The following DGKE variants were observed in gnomAD, a reference collection of about 807,000 sequenced individuals.
DGKE encodes the protein diacylglycerol kinase epsilon.
DGKE carries 53 observed loss-of-function variants against 70.0 expected under a neutral mutation model. The ratio of observed to expected loss-of-function variants is 0.76; its 90% CI spans 0.61 to 0.95. The LOEUF is 0.95. Among genes scored for constraint, DGKE ranks in the 40% least tolerant of loss-of-function variants. The pLI, the probability that DGKE is intolerant of heterozygous loss-of-function variation, is 0.00. For synonymous variants in DGKE, 291 were observed against 257.0 expected, an observed-to-expected ratio of 1.13 and a Z score of -1.27; for missense variants, 655 against 706.9, an observed-to-expected ratio of 0.93 and a Z score of 0.83.
At chr17:56,843,902 G>T (rs1907136850) in intron 2 of DGKE, 117 bp from the exon 3 acceptor site, 1 of 977,174 alleles carries the variant, frequency 1.0e-6, no homozygotes, top group South Asian at 2.2e-5. Flanking sequence ...TTTGCCAAAT[G>T]TTATGGTAAG....
intron 4 of DGKE, among the ~76,000 whole-genome samples, chr17:56,846,521 T>C (rs1267337464): frequency 2.0e-5 from 3 of 152,200 alleles, no homozygotes; most frequent in Non-Finnish European, 1.5e-5. Flanking sequence ...ATAAAAATTA[T>C]TGACTTGTTC....
Position 56,862,608 on chromosome 17 carries a change from T to C in DGKE, c.1525-4T>C, listed in dbSNP as rs973960780. 5.2e-6 allele frequency: 8 copies of C among 1,529,542 alleles called. No individual in the cohort carries two copies. The highest frequency in any genetic ancestry group is 1.8e-4 in the Middle Eastern group (1 of 5,686). The allele number at this position is 1,529,542 out of a possible 1,614,324, so 94.7% of individuals were successfully genotyped here. A position where few individuals can be genotyped will look rare whatever the true frequency, so the allele number is the denominator to read the frequency against. On this transcript the variant is annotated splice_polypyrimidine_tract_variant and splice_region_variant and intron_variant, in intron 11 of 11. Transcript: ENST00000284061. The stretch of plus-strand genomic sequence containing the variant: ...TTTAAACATTATTTGTTCCCTAATA[T>C]CAGCTGATTTTGAAGTGCTCCATGA...
In DGKE at chr17:56,866,804, T is replaced by G. The variant is rs1360427816; in HGVS notation, c.*4013T>G. The G allele has an allele frequency of 1.3e-5, 2 of 152,220 alleles. No individual in the cohort carries two copies. The highest frequency in any genetic ancestry group is 2.9e-5 in the Non-Finnish European group (2 of 68,046). 9.4% of individuals were successfully genotyped at this position (152,220 alleles called of 1,614,324 possible). The stretch of plus-strand genomic sequence containing the variant: ...TTCAGATCTCAGTAGATAAAATAAT[T>G]CCACATTTAAAATGATTCTGCTATT... On this transcript the variant is annotated 3_prime_UTR_variant, in exon 12 of 12. Transcript: ENST00000284061.
At chr17:56,836,630 G>C (rs986442811) in intron 2 of DGKE, among the ~76,000 whole-genome samples, 15 of 152,134 alleles carry the variant, frequency 9.9e-5, no homozygotes, top group African/African-American at 3.6e-4. Context: ...TTCTAAAAAT[G>C]CAAATCTGAT....
chr17:56,851,627 T>C (rs1433846659), intron 7 of DGKE, among the ~76,000 whole-genome samples: 1 of 152,088 alleles, frequency 6.6e-6, no homozygotes, highest in African/African-American at 2.4e-5. Context: ...CATGAATATA[T>C]ACAGCCAAGG....
chr17:56,861,728 C>T, intron 9 of DGKE, 63 bp from the exon 10 acceptor site: 1 of 1,589,308 alleles, frequency 6.3e-7, no homozygotes, highest in East Asian at 2.3e-5. Context: ...GATGTGAATT[C>T]TAAATGGATG....
In DGKE at chr17:56,865,926, A is replaced by T. The variant is rs1180567328; in HGVS notation, c.*3135A>T. Reference sequence around the variant, plus strand: ...AATACATAATTTGGCCAAAAAAGTCATTAGAATGGGTAATGGTTTTGTGTG... The same window carrying T: ...AATACATAATTTGGCCAAAAAAGTCTTTAGAATGGGTAATGGTTTTGTGTG... On this transcript the variant is annotated 3_prime_UTR_variant, in exon 12 of 12. Transcript: ENST00000284061. 1 of 152,174 alleles carries T rather than the reference A, an allele frequency of 6.6e-6. No individual in the cohort carries two copies. Among genetic ancestry groups the T allele is most frequent in the Non-Finnish European group, 1.5e-5 (1 of 68,016 alleles). The allele number at this position is 152,174 out of a possible 1,614,324, so 9.4% of individuals were successfully genotyped here.
At chr17:56,840,867 C>T (rs1417312786) in intron 2 of DGKE, among the ~76,000 whole-genome samples, 1 of 152,086 alleles carries the variant, frequency 6.6e-6, no homozygotes, top group Non-Finnish European at 1.5e-5. Context: ...AATTAGGTGC[C>T]TGTAGCCTAG....
chr17:56,854,624 G>A (rs1907838947), intron 7 of DGKE, among the ~76,000 whole-genome samples: 1 of 152,024 alleles, frequency 6.6e-6, no homozygotes, highest in African/African-American at 2.4e-5. Context: ...CTAAAAGAGA[G>A]GATTTTAGAT....
In DGKE at chr17:56,844,076, T is replaced by C; in HGVS notation, c.522T>C (p.Asn174=). The change falls in exon 3 of 12, where the codon AAT becomes AAC. Residue 174 remains asparagine, a synonymous_variant. Coordinates refer to ENST00000284061, the MANE Select transcript of DGKE (RefSeq NM_003647.3). The part of the protein sequence containing the change: ...HDECMKNSLK[N]EKCDFGEFKN... ...AGTGCATGAAAAATAGTTTAAAGAA[T>C]GAAAAATGTGATTTTGGAGAATTCA... The C allele has an allele frequency of 1.9e-6, 3 of 1,579,852 alleles. No homozygotes were observed. The highest frequency in any genetic ancestry group is 1.2e-5 in the South Asian group (1 of 84,938).
In DGKE at chr17:56,863,903, C is replaced by G. The variant is rs771100668; in HGVS notation, c.*1112C>G. ...ATAAGTTAAATTGATCACATAAATT[C>G]TGCTAGTCACAATCAGATAGAAATT... On this transcript the variant is annotated 3_prime_UTR_variant, in exon 12 of 12. Transcript: ENST00000284061. The G allele has an allele frequency of 1.3e-5, 2 of 152,114 alleles. No homozygotes were observed. Among genetic ancestry groups the G allele is most frequent in the Admixed American group, 1.3e-4 (2 of 15,274 alleles). The allele number at this position is 152,114 out of a possible 1,614,324, so 9.4% of individuals were successfully genotyped here.
chr17:56,858,198 A>G lies in DGKE; in HGVS notation c.1213-396A>G, dbSNP rs897853177. On this transcript the variant is annotated intron_variant, in intron 8 of 11. Transcript: ENST00000284061. ...CTTCCAAAAAAGAAGGATGAGTAAT[A>G]TTTCATCTACTGTACCACAGTTCAC... Among the ~76,000 whole-genome samples the G allele has an allele frequency of 1.8e-4, 27 of 152,328 alleles. No homozygotes were observed. In the Middle Eastern group the frequency reaches 0.01, roughly 58 times the overall value.
At chr17:56,843,847 A>C (rs1907134940) in intron 2 of DGKE, among the ~76,000 whole-genome samples, 172 bp from the exon 3 acceptor site, 1 of 151,320 alleles carries the variant, frequency 6.6e-6, no homozygotes, top group African/African-American at 2.4e-5. Context: ...AATATGTTCA[A>C]ACCTTATTGC....
chr17:56,845,638 G>A, intron 3 of DGKE, 52 bp from the exon 4 acceptor site: 2 of 1,546,668 alleles, frequency 1.3e-6, no homozygotes, highest in South Asian at 1.2e-5. Flanking sequence ...TGGAAAATGT[G>A]CTTTTCATCT....
chr17:56,835,400 G>T, intron 2 of DGKE, 141 bp downstream of exon 2: 1 of 907,922 alleles, frequency 1.1e-6, no homozygotes, highest in South Asian at 1.8e-5. Context: ...AAACATCCCT[G>T]AGTTTGTGCA....
intron 2 of DGKE, among the ~76,000 whole-genome samples, chr17:56,842,347 C>T (rs1468995670): frequency 6.6e-6 from 1 of 152,074 alleles, no homozygotes; most frequent in South Asian, 2.1e-4. Context: ...AAAACATAGC[C>T]TAAAAACTTA....
chr17:56,852,155 G>A (rs1490215856), intron 7 of DGKE, among the ~76,000 whole-genome samples: 1 of 152,214 alleles, frequency 6.6e-6, no homozygotes, highest in Non-Finnish European at 1.5e-5. Context: ...GCTCACGCCT[G>A]TAATCCCAGC....
At chr17:56,835,309 G>A (rs1340450222) in intron 2 of DGKE, 50 bp downstream of exon 2, 13 of 1,546,388 alleles carry the variant, frequency 8.4e-6, no homozygotes, top group Admixed American at 3.7e-5. Flanking sequence ...GTGGGAATCA[G>A]GATTTCATAG....
chr17:56,862,084 G>A (rs920061717), intron 10 of DGKE, 56 bp from the exon 11 acceptor site: 6 of 1,588,654 alleles, frequency 3.8e-6, no homozygotes, highest in Admixed American at 3.4e-5. Context: ...AATTGCTCTA[G>A]CATAACTGAT....
Sources: allele counts gnomAD v4.1 joint callset (sites outside exome capture counted in the v4.1 genomes callset), GRCh38; gene constraint gnomAD v4.1.1; transcripts MANE v1.5; gene names NCBI Gene and HGNC (gene_info 2026-07-23, HGNC 2026-07-21).